The following WWP2 variants were observed in gnomAD, a reference collection of about 807,000 sequenced individuals.
WWP2 encodes WW domain containing E3 ubiquitin protein ligase 2.
A neutral mutation model predicts 121.0 loss-of-function variants in WWP2; 57 were observed. The observed-to-expected ratio is 0.47, with a 90% confidence interval of 0.38 to 0.59. The LOEUF (loss-of-function observed/expected upper bound fraction) is 0.59. Among genes scored for constraint, WWP2 ranks in the 20% least tolerant of loss-of-function variants. The probability of loss-of-function intolerance (pLI) is 0.00; values close to 1 mark genes in which losing one functional copy is unlikely to be tolerated. For synonymous variants in WWP2, 449 were observed against 441.3 expected, an observed-to-expected ratio of 1.02 and a Z score of -0.22; for missense variants, 962 against 1,158.9, an observed-to-expected ratio of 0.83 and a Z score of 2.47.
At chr16:69,777,136 T>C (rs946549020) in intron 1 of WWP2, among the ~76,000 whole-genome samples, 6 of 151,520 alleles carry the variant, frequency 4.0e-5, no homozygotes, top group Non-Finnish European at 8.8e-5. Context: ...TATGGATATA[T>C]ATACACATAT....
intron 14 of WWP2, 109 bp downstream of exon 14, chr16:69,931,336 C>T: frequency 6.7e-7 from 1 of 1,497,062 alleles, no homozygotes; most frequent in Non-Finnish European, 9.2e-7. Context: ...TAGGCGGGCG[C>T]AAGACACTTG....
intron 23 of WWP2, 127 bp downstream of exon 23, chr16:69,939,540 G>C: frequency 1.1e-6 from 1 of 946,028 alleles, no homozygotes; most frequent in East Asian, 2.6e-5. Flanking sequence ...TGGGGTGTTG[G>C]GTTGGAGAGA....
chr16:69,936,987 C>T (rs2151999284), intron 19 of WWP2, 131 bp from the exon 20 acceptor site: 1 of 1,278,484 alleles, frequency 7.8e-7, no homozygotes, highest in Non-Finnish European at 1.1e-6. Context: ...CTCCAGCAGG[C>T]TGGGTCTGGG....
intron 7 of WWP2, among the ~76,000 whole-genome samples, chr16:69,872,923 C>T (rs2057667781): frequency 6.6e-6 from 1 of 152,232 alleles, no homozygotes; most frequent in African/African-American, 2.4e-5. Context: ...AAAAAACAAA[C>T]CCATTCATTT....
At chr16:69,796,601 C>T (rs1369511551) in intron 2 of WWP2, among the ~76,000 whole-genome samples, 3 of 152,238 alleles carry the variant, frequency 2.0e-5, no homozygotes, top group East Asian at 1.9e-4. Flanking sequence ...ATATCGCTTT[C>T]GCACCCCTGT....
At chr16:69,909,626 A>G (rs2058351069) in intron 9 of WWP2, 16 of 985,420 alleles carry the variant, frequency 1.6e-5, no homozygotes, top group Non-Finnish European at 1.9e-5. Context: ...ATAACCTGTC[A>G]TCATCAGTAC....
intron 8 of WWP2, among the ~76,000 whole-genome samples, chr16:69,902,546 C>T (rs1165862586): frequency 6.6e-6 from 1 of 152,132 alleles, no homozygotes; most frequent in Non-Finnish European, 1.5e-5. Context: ...GTGCTTTGAA[C>T]ACTGTTCCTG....
At chr16:69,886,880 A>G (rs1035729128) in intron 7 of WWP2, among the ~76,000 whole-genome samples, 2 of 152,258 alleles carry the variant, frequency 1.3e-5, no homozygotes, top group African/African-American at 2.4e-5. Context: ...CTTGTTAGGG[A>G]TACAACAAAA....
chr16:69,865,417 A>G (rs1467394588), intron 6 of WWP2, among the ~76,000 whole-genome samples: 2 of 152,204 alleles, frequency 1.3e-5, no homozygotes, highest in Admixed American at 1.3e-4. Flanking sequence ...AGAGTTCTCT[A>G]TCAATTCTAG....
intron 4 of WWP2, among the ~76,000 whole-genome samples, chr16:69,808,587 A>G (rs2151827571): frequency 6.6e-6 from 1 of 152,244 alleles, no homozygotes; most frequent in Non-Finnish European, 1.5e-5. Context: ...TTTTCAGCAG[A>G]GACAGGGTTT....
At chr16:69,873,788 C>T (rs2057686542) in intron 7 of WWP2, among the ~76,000 whole-genome samples, 1 of 152,144 alleles carries the variant, frequency 6.6e-6, no homozygotes, top group Non-Finnish European at 1.5e-5. Flanking sequence ...CTGCCAGATG[C>T]CTGTGTTATT....
At chr16:69,866,533 A>G (rs1444654526) in intron 6 of WWP2, among the ~76,000 whole-genome samples, 1 of 152,098 alleles carries the variant, frequency 6.6e-6, no homozygotes, top group Non-Finnish European at 1.5e-5. Flanking sequence ...TGGCTACTCC[A>G]GGTAACATTT....
chr16:69,845,049 A>T (rs982111998), intron 6 of WWP2, among the ~76,000 whole-genome samples: 1 of 152,160 alleles, frequency 6.6e-6, no homozygotes. Flanking sequence ...GGGCTTTGGA[A>T]TCAGGAGATG....
At chr16:69,838,908 A>G (rs2056924555) in intron 4 of WWP2, 2 of 981,820 alleles carry the variant, frequency 2.0e-6, no homozygotes, top group Non-Finnish European at 2.4e-6. Flanking sequence ...TTTCTATCTT[A>G]TTATAATAGA....
Position 69,937,296 on chromosome 16 carries a change from G to A in WWP2, c.2238+58G>A. 1 of 1,598,238 alleles carries A rather than the reference G, an allele frequency of 6.3e-7. No individual in the cohort carries two copies. The highest frequency in any genetic ancestry group is 1.7e-5 in the Admixed American group (1 of 59,206). ...CCTGCCTCTGGGGCGATCCTGCTCT[G>A]TGATACGCTCACTGTGTACCCACAG... is the stretch of plus-strand genomic sequence containing the variant. On this transcript the variant is annotated intron_variant, in intron 20 of 23. Transcript: ENST00000359154. The surrounding 1 kb of genome is among the most constrained non-coding windows in gnomAD (Gnocchi z 6.6).
intron 6 of WWP2, among the ~76,000 whole-genome samples, chr16:69,859,503 C>T (rs1399344031): frequency 6.6e-6 from 1 of 151,980 alleles, no homozygotes; most frequent in Non-Finnish European, 1.5e-5. Context: ...ATGCAGTGAG[C>T]TGTGATTGCA....
At position 69,935,738 on chromosome 16, in the gene WWP2, T is replaced by C; in HGVS notation, c.1843-115T>C. ...TCCGAGGCAGCTGCTGCTGTAGTTC[T>C]GTCAGGGAAGGAAGGCGGGTAGCGG... is the stretch of plus-strand genomic sequence containing the variant. On this transcript the variant is annotated intron_variant, in intron 17 of 23. Coordinates refer to ENST00000359154, the MANE Select transcript of WWP2 (RefSeq NM_001270454.2). The surrounding 1 kb of genome is among the most constrained non-coding windows in gnomAD (Gnocchi z 5.2). 1 of 1,462,920 alleles carries C rather than the reference T, an allele frequency of 6.8e-7. No homozygotes were observed. Among genetic ancestry groups the C allele is most frequent in the Non-Finnish European group, 9.2e-7 (1 of 1,088,578 alleles). 90.6% of individuals were successfully genotyped at this position (1,462,920 alleles called of 1,614,324 possible).
intron 1 of WWP2, among the ~76,000 whole-genome samples, chr16:69,786,497 G>A (rs1024868904): frequency 9.2e-5 from 13 of 141,164 alleles, no homozygotes; most frequent in African/African-American, 3.6e-4. Context: ...TGTCACCCAG[G>A]CTGCAGTGCA....
At chr16:69,841,883 T>A in intron 5 of WWP2, 141 bp from the exon 6 acceptor site, 1 of 728,244 alleles carries the variant, frequency 1.4e-6, no homozygotes. Flanking sequence ...TCCTGGTGGC[T>A]GCAGCTTGCC....
Sources: allele counts gnomAD v4.1 joint callset (sites outside exome capture counted in the v4.1 genomes callset), GRCh38; gene constraint gnomAD v4.1.1; non-coding constraint Gnocchi (gnomAD v3.1); transcripts MANE v1.5; gene names NCBI Gene and HGNC (gene_info 2026-07-23, HGNC 2026-07-21).